ADAMTSL3: variants seen among roughly 807,000 people sequenced by gnomAD.
The protein encoded by ADAMTSL3 is ADAMTS-like protein 3.
In ADAMTSL3, 128 loss-of-function variants were observed where a neutral mutation model predicts 201.7. That is an observed-to-expected ratio of 0.63 (90% CI 0.55 to 0.73). ADAMTSL3 has a LOEUF of 0.73. Ranked by LOEUF, ADAMTSL3 falls within the 30% of genes least tolerant of loss-of-function variation. The pLI is 0.00. For synonymous variants in ADAMTSL3, 738 were observed against 748.4 expected (o/e 0.99, Z 0.23); for missense variants, 1,990 against 2,119.6 (o/e 0.94, Z 1.20).
At chr15:83,958,724 A>C (rs2066903006) in intron 19 of ADAMTSL3, among the ~76,000 whole-genome samples, 1 of 152,204 alleles carries the variant, frequency 6.6e-6, no homozygotes, top group Non-Finnish European at 1.5e-5. Context: ...AGAGAAACAA[A>C]AAGAAAACTG....
intron 19 of ADAMTSL3, among the ~76,000 whole-genome samples, chr15:83,965,293 A>G (rs2067057789): frequency 6.6e-6 from 1 of 151,532 alleles, no homozygotes; most frequent in South Asian, 2.1e-4. Flanking sequence ...ATGTGCAAAG[A>G]CACACATAAG....
intron 19 of ADAMTSL3, among the ~76,000 whole-genome samples, chr15:83,944,031 T>C (rs1389234714): frequency 6.6e-6 from 1 of 152,182 alleles, no homozygotes; most frequent in Non-Finnish European, 1.5e-5. Flanking sequence ...ATGGATGGAA[T>C]GATTCATGTC....
rs1037094872 is a variant in ADAMTSL3 at position 83,674,772 on chromosome 15, T to TAC, written c.69+18943_69+18944insCA. 1.9e-4 allele frequency among the ~76,000 whole-genome samples: 25 copies of TAC among 128,342 alleles called. 1 individual carries two copies. Among genetic ancestry groups the TAC allele is most frequent in the Non-Finnish European group, 3.5e-4 (21 of 60,072 alleles). The allele number at this position is 128,342 out of a possible 152,430, so 84.2% of individuals were successfully genotyped here. ...ATATATACACACATATATACATATA[T>TAC]ATATATATATATATATAAATCTTGC... On this transcript the variant is annotated intron_variant, in intron 2 of 29. Transcript: ENST00000286744.
intron 6 of ADAMTSL3, among the ~76,000 whole-genome samples, chr15:83,824,248 A>G (rs1210692028): frequency 6.6e-6 from 1 of 151,636 alleles, no homozygotes; most frequent in African/African-American, 2.4e-5. Context: ...GGGTCTCGCT[A>G]TGTTACTCAG....
intron 9 of ADAMTSL3, among the ~76,000 whole-genome samples, chr15:83,872,627 C>CACACACACACACACACACACACAG (rs6145659): frequency 0.021 from 3,017 of 140,926 alleles, 59 homozygotes; most frequent in Middle Eastern, 0.05. Flanking sequence ...CACACACACA[C>CACACACACACACACACACACACAG]AGAGTTTTTG....
At chr15:83,681,591 T>A (rs562458913) in intron 2 of ADAMTSL3, among the ~76,000 whole-genome samples, 11 of 152,346 alleles carry the variant, frequency 7.2e-5, no homozygotes, top group African/African-American at 2.6e-4. Context: ...TAGTTCTGGT[T>A]GACATTTCTC....
intron 20 of ADAMTSL3, among the ~76,000 whole-genome samples, chr15:83,979,693 C>G (rs1188933175): frequency 6.6e-6 from 1 of 152,192 alleles, no homozygotes; most frequent in Admixed American, 6.5e-5. Context: ...ATAATGATTT[C>G]TGATGCTAAA....
intron 4 of ADAMTSL3, among the ~76,000 whole-genome samples, chr15:83,789,099 C>A (rs1596211262): frequency 6.6e-6 from 1 of 152,210 alleles, no homozygotes; most frequent in East Asian, 1.9e-4. Context: ...GCATGAGCCA[C>A]CACACCCAGC....
chr15:84,006,732 T>C, intron 23 of ADAMTSL3, among the ~76,000 whole-genome samples: 1 of 152,350 alleles, frequency 6.6e-6, no homozygotes, highest in African/African-American at 2.4e-5. Context: ...ACAGAGCAAA[T>C]GTGTTATTTT....
intron 23 of ADAMTSL3, 68 bp from the exon 24 acceptor site, chr15:84,014,474 T>C: frequency 1.1e-5 from 16 of 1,414,280 alleles, no homozygotes; most frequent in Non-Finnish European, 1.6e-5. Flanking sequence ...TGAATGGTAT[T>C]TGTCAAGTGG....
chr15:83,662,047 A>G (rs2061174040), intron 2 of ADAMTSL3, among the ~76,000 whole-genome samples: 1 of 143,836 alleles, frequency 7.0e-6, no homozygotes, highest in South Asian at 2.4e-4. Context: ...TAGAAATACC[A>G]TTTGACCCAG....
At chr15:83,977,004 C>T (rs1437347040) in intron 20 of ADAMTSL3, among the ~76,000 whole-genome samples, 2 of 152,120 alleles carry the variant, frequency 1.3e-5, no homozygotes, top group African/African-American at 4.8e-5. Context: ...ACCCCCAAGC[C>T]ATGGACGGAT....
At chr15:83,986,721 G>A (rs1052060190) in intron 21 of ADAMTSL3, among the ~76,000 whole-genome samples, 1 of 152,222 alleles carries the variant, frequency 6.6e-6, no homozygotes, top group African/African-American at 2.4e-5. Context: ...CTCATTCAAT[G>A]AGAGAAACTG....
At chr15:84,011,563 A>G (rs2068006783) in intron 23 of ADAMTSL3, among the ~76,000 whole-genome samples, 2 of 152,220 alleles carry the variant, frequency 1.3e-5, no homozygotes, top group African/African-American at 2.4e-5. Context: ...CGTACCTGCT[A>G]TAGTGGTTAT....
chr15:83,756,316 A>T (rs1203518489), intron 3 of ADAMTSL3, among the ~76,000 whole-genome samples: 7 of 152,176 alleles, frequency 4.6e-5, no homozygotes, highest in Non-Finnish European at 1.0e-4. Flanking sequence ...TCACAGTTCC[A>T]CATGTCTGGG....
At chr15:83,980,691 T>C (rs768617165) in intron 20 of ADAMTSL3, among the ~76,000 whole-genome samples, 5 of 152,200 alleles carry the variant, frequency 3.3e-5, no homozygotes, top group Non-Finnish European at 7.3e-5. Flanking sequence ...CAATTGCATC[T>C]GTATGGAATT....
chr15:83,969,910 AAAAC>A (rs1567271792), intron 19 of ADAMTSL3, among the ~76,000 whole-genome samples: 1 of 152,234 alleles, frequency 6.6e-6, no homozygotes, highest in Non-Finnish European at 1.5e-5. Flanking sequence ...TAAACAAAAC[AAAAC>A]AAACAGGCAA....
rs1487250629 is a variant in ADAMTSL3, at chr15:83,885,453, AC to A, written c.1072+242del. Among the ~76,000 whole-genome samples the A allele has an allele frequency of 1.1e-4, 17 of 151,956 alleles. No individual in the cohort carries two copies. In the East Asian group the frequency reaches 1.2e-3, roughly 10 times the overall value. On this transcript the variant is annotated intron_variant, in intron 10 of 29. Coordinates refer to ENST00000286744, the MANE Select transcript of ADAMTSL3 (RefSeq NM_207517.3). The stretch of plus-strand genomic sequence containing the variant: ...TTTTACTTTTAGCCAAAAAAAAAAA[AC>A]AAAACAAAACTGTAAACAAACTTGT...
At chr15:83,672,370 G>A (rs373941757) in intron 2 of ADAMTSL3, among the ~76,000 whole-genome samples, 7 of 152,196 alleles carry the variant, frequency 4.6e-5, no homozygotes, top group African/African-American at 1.4e-4. Context: ...CTCAAAGTGT[G>A]TTTGGAAAGG....
Sources: allele counts gnomAD v4.1 joint callset (sites outside exome capture counted in the v4.1 genomes callset), GRCh38; gene constraint gnomAD v4.1.1; transcripts MANE v1.5; gene names NCBI Gene and HGNC (gene_info 2026-07-23, HGNC 2026-07-21).